PCDH7: variants seen among roughly 807,000 people sequenced by gnomAD.
PCDH7 encodes protocadherin 7, also known as protocadherin-7.
In PCDH7, 17 loss-of-function variants were observed where a neutral mutation model predicts 58.9. The ratio of observed to expected loss-of-function variants is 0.29; its 90% confidence interval spans 0.20 to 0.43. The LOEUF is 0.43. Among genes scored for constraint, PCDH7 ranks in the 20% least tolerant of loss-of-function variants. The pLI is 1.00. For synonymous variants in PCDH7, 664 were observed against 616.4 expected, an observed-to-expected ratio of 1.08 and a Z score of -1.14; for missense variants, 1,274 against 1,441.0, an observed-to-expected ratio of 0.88 and a Z score of 1.88.
At chr4:30,744,039 C>T (rs1717434031) in intron 1 of PCDH7, among the ~76,000 whole-genome samples, 2 of 152,116 alleles carry the variant, frequency 1.3e-5, no homozygotes, top group African/African-American at 4.8e-5. Flanking sequence ...TGCTCTACAA[C>T]AGTCAGTTTA....
chr4:30,871,552 T>C (rs1735589840), intron 1 of PCDH7, among the ~76,000 whole-genome samples: 1 of 152,026 alleles, frequency 6.6e-6, no homozygotes, highest in East Asian at 1.9e-4. Context: ...CGAATACAAG[T>C]CTACCAAAAA....
rs530065851 is a variant in PCDH7 at position 30,909,108 on chromosome 4, A to G, written c.71-11045A>G. 2.0e-5 allele frequency among the ~76,000 whole-genome samples: 3 copies of G among 152,314 alleles called. No individual in the cohort carries two copies. The East Asian group carries it at 5.8e-4, about 29-fold the overall frequency. On this transcript the variant is annotated intron_variant, in intron 1 of 3. Coordinates refer to the PCDH7 transcript ENST00000509759. ...ATGATTATCTCAATGGATGCAAAAAAGACCTTAGATAAAATTCAACACCCC... is the reference window on the plus strand; with the variant it reads ...ATGATTATCTCAATGGATGCAAAAAGGACCTTAGATAAAATTCAACACCCC...
At chr4:30,808,989 T>G (rs1726624018) in intron 1 of PCDH7, among the ~76,000 whole-genome samples, 1 of 152,188 alleles carries the variant, frequency 6.6e-6, no homozygotes. Flanking sequence ...TATGCTAAAA[T>G]GGCAATTTGT....
At chr4:30,995,052 T>C (rs1751763677) in intron 3 of PCDH7, among the ~76,000 whole-genome samples, 1 of 152,200 alleles carries the variant, frequency 6.6e-6, no homozygotes, top group Non-Finnish European at 1.5e-5. Flanking sequence ...TTGGATATAT[T>C]AGGTTGAACA....
intron 3 of PCDH7, among the ~76,000 whole-genome samples, chr4:31,118,856 T>G (rs1471131960): frequency 6.6e-6 from 1 of 152,136 alleles, no homozygotes; most frequent in Non-Finnish European, 1.5e-5. Context: ...GATCAAAATT[T>G]TAAAAAGGAA....
At chr4:30,800,256 G>A (rs1725366494) in intron 1 of PCDH7, among the ~76,000 whole-genome samples, 1 of 151,844 alleles carries the variant, frequency 6.6e-6, no homozygotes, top group Non-Finnish European at 1.5e-5. Flanking sequence ...ATTAACCAAT[G>A]GAGTGTAGGA....
chr4:31,009,481 G>T (rs1381699214), intron 3 of PCDH7, among the ~76,000 whole-genome samples: 1 of 151,876 alleles, frequency 6.6e-6, no homozygotes, highest in Non-Finnish European at 1.5e-5. Context: ...ACACAGTACC[G>T]GCCAAGAGTC....
At chr4:30,741,338 GTGC>G (rs1391470614) in intron 1 of PCDH7, among the ~76,000 whole-genome samples, 1 of 149,570 alleles carries the variant, frequency 6.7e-6, no homozygotes, top group Non-Finnish European at 1.5e-5. Flanking sequence ...CTACAAGTGT[GTGC>G]CACCATATAT....
At chr4:30,894,933 A>G (rs1003358710) in intron 1 of PCDH7, among the ~76,000 whole-genome samples, 3 of 151,814 alleles carry the variant, frequency 2.0e-5, no homozygotes, top group African/African-American at 7.3e-5. Context: ...AACCTCTAGC[A>G]TGTTATTTAG....
At chr4:31,050,411 A>G (rs1756638245) in intron 3 of PCDH7, among the ~76,000 whole-genome samples, 1 of 152,176 alleles carries the variant, frequency 6.6e-6, no homozygotes, top group Non-Finnish European at 1.5e-5. Context: ...TTGTACTGAC[A>G]GTTACATTGG....
At chr4:31,034,538 C>T (rs568103231) in intron 3 of PCDH7, among the ~76,000 whole-genome samples, 26 of 152,260 alleles carry the variant, frequency 1.7e-4, no homozygotes, top group African/African-American at 5.8e-4. Flanking sequence ...CGTAGCCGCT[C>T]AGTACTTTTA....
At chr4:31,027,635 A>G (rs1754546763) in intron 3 of PCDH7, among the ~76,000 whole-genome samples, 1 of 151,966 alleles carries the variant, frequency 6.6e-6, no homozygotes, top group Admixed American at 6.6e-5. Flanking sequence ...GTTGGCCAGG[A>G]TAGCTTCAAT....
chr4:31,008,496 A>T (rs1247363699), intron 3 of PCDH7, among the ~76,000 whole-genome samples: 1 of 152,148 alleles, frequency 6.6e-6, no homozygotes, highest in Non-Finnish European at 1.5e-5. Context: ...TACTTTGTTA[A>T]GTTAGATTTT....
At chr4:30,883,910 T>C (rs1737332890) in intron 1 of PCDH7, among the ~76,000 whole-genome samples, 1 of 152,200 alleles carries the variant, frequency 6.6e-6, no homozygotes, top group Non-Finnish European at 1.5e-5. Flanking sequence ...GAAGTGAACA[T>C]TGAGGTAACT....
chr4:30,824,155 CTT>C (rs1728810034), intron 1 of PCDH7, among the ~76,000 whole-genome samples: 1 of 70,140 alleles, frequency 1.4e-5, no homozygotes, highest in African/African-American at 5.7e-5. Context: ...TTCTTTCTTT[CTT>C]TCTTTTTGCT....
chr4:31,094,908 G>A (rs1027674767), intron 3 of PCDH7, among the ~76,000 whole-genome samples: 2 of 152,010 alleles, frequency 1.3e-5, no homozygotes, highest in Admixed American at 6.6e-5. Flanking sequence ...CCAATTTACC[G>A]TATAATTCTT....
chr4:30,721,158 G>A lies in PCDH7; in HGVS notation c.-265G>A, dbSNP rs574507520. 2 of 467,892 alleles carry A rather than the reference G, an allele frequency of 4.3e-6. No individual in the cohort carries two copies. The highest frequency in any genetic ancestry group is 7.6e-5 in the South Asian group (2 of 26,174). The allele number at this position is 467,892 out of a possible 1,614,324, so 29.0% of individuals were successfully genotyped here. The stretch of plus-strand genomic sequence containing the variant: ...CGACTGAACGGCGGCAGGCGAGCGG[G>A]CGATTAGCACCCATTGCATGAATTA... On this transcript the variant is annotated 5_prime_UTR_variant, in exon 1 of 2. Coordinates refer to ENST00000361762, the Ensembl canonical transcript of PCDH7. This position sits in a 1 kb window ranked among gnomAD's most constrained non-coding sequence, Gnocchi z 6.7.
chr4:30,850,650 G>T (rs1732613604), intron 1 of PCDH7, among the ~76,000 whole-genome samples: 1 of 151,946 alleles, frequency 6.6e-6, no homozygotes, highest in South Asian at 2.1e-4. Flanking sequence ...GATACATTTG[G>T]TGTCCATATT....
Position 30,897,621 on chromosome 4 carries a change from A to G in PCDH7, c.71-22532A>G, listed in dbSNP as rs141298280. 9.2e-4 allele frequency among the ~76,000 whole-genome samples: 140 copies of G among 152,360 alleles called. 1 individual carries two copies. Among genetic ancestry groups the G allele is most frequent in the African/African-American group, 3.1e-3 (131 of 41,590 alleles). ...GTTTTTCGAAGAGGAATAGAGTTCTATAATTCCTAAATTTCTTAACAGAAG... is the reference window on the plus strand; with the variant it reads ...GTTTTTCGAAGAGGAATAGAGTTCTGTAATTCCTAAATTTCTTAACAGAAG... On this transcript the variant is annotated intron_variant, in intron 1 of 3. Coordinates refer to the PCDH7 transcript ENST00000509759.
Sources: gnomAD v4.1 joint callset for allele counts (sites outside exome capture counted in the v4.1 genomes callset) on GRCh38, gnomAD v4.1.1 for gene constraint, Gnocchi (gnomAD v3.1) non-coding constraint, MANE v1.5 for transcripts, NCBI Gene and HGNC (gene_info 2026-07-23, HGNC 2026-07-21) for gene names.